TJP1: variants seen among roughly 807,000 people sequenced by gnomAD.
TJP1 encodes the protein tight junction protein 1.
Under a neutral mutation model 194.2 loss-of-function variants are expected in TJP1, and 43 were observed. The observed-to-expected ratio is 0.22, with a 90% confidence interval of 0.17 to 0.29. The LOEUF is 0.29. TJP1 is among the 10% of genes least tolerant of loss of function. TJP1 has a pLI of 1.00. For synonymous variants in TJP1, 801 were observed against 779.0 expected, an observed-to-expected ratio of 1.03 and a Z score of -0.47; for missense variants, 1,971 against 2,185.7, an observed-to-expected ratio of 0.90 and a Z score of 1.96.
rs1023373481 is a variant in TJP1 at position 29,953,569 on chromosome 15, G to A, written c.306+2663C>T. On this transcript the variant is annotated intron_variant, in intron 2 of 28. Coordinates refer to the TJP1 transcript ENST00000356107. ...CATATCTTATGGTAGAAAGTGGGAG[G>A]AGCCAAGCTGTTAAGCTCTTCTTAT... is the stretch of plus-strand genomic sequence containing the variant. 3.3e-5 allele frequency among the ~76,000 whole-genome samples: 5 copies of A among 152,156 alleles called. No homozygotes were observed. In the East Asian group the frequency reaches 7.7e-4, roughly 23 times the overall value.
chr15:29,742,970 T>C (rs575295630), intron 8 of TJP1, 189 bp from the exon 9 acceptor site: 164 of 423,468 alleles, frequency 3.9e-4, no homozygotes, highest in Admixed American at 6.3e-4. Context: ...AATAGATTCA[T>C]GTAATAAAAT....
In TJP1 at chr15:29,960,649, A is replaced by AAG. The variant is rs1256834472; in HGVS notation, c.174-4286_174-4285insCT. ...AGACCATGTCTCAAAAAAAAAAAAA[A>AAG]AAGTAATAATCAGTAGCGCTAAAGT... On this transcript the variant is annotated intron_variant, in intron 1 of 28. Transcript: ENST00000356107. Among the ~76,000 whole-genome samples, 617 of 151,682 alleles carry AAG rather than the reference A, an allele frequency of 4.1e-3. 2 individuals carry two copies. Among genetic ancestry groups the AAG allele is most frequent in the Non-Finnish European group, 4.8e-3 (324 of 67,948 alleles).
intron 2 of TJP1, among the ~76,000 whole-genome samples, chr15:29,893,650 C>A (rs1218314165): frequency 6.6e-6 from 1 of 152,152 alleles, no homozygotes. Context: ...CAGATAATCA[C>A]TAGCATTTTT....
At chr15:29,828,389 C>T (rs1164232236) in intron 2 of TJP1, among the ~76,000 whole-genome samples, 1 of 151,448 alleles carries the variant, frequency 6.6e-6, no homozygotes, top group Non-Finnish European at 1.5e-5. Flanking sequence ...TATAATGTCA[C>T]AACAACAACA....
chr15:29,817,636 A>G (rs1476938308), intron 1 of TJP1, among the ~76,000 whole-genome samples: 3 of 152,222 alleles, frequency 2.0e-5, no homozygotes, highest in Non-Finnish European at 2.9e-5. Context: ...TATATACACC[A>G]TGGTATACTA....
upstream of TJP1, among the ~76,000 whole-genome samples, chr15:29,825,375 A>AT (rs1362619960): frequency 6.6e-6 from 1 of 152,214 alleles, no homozygotes; most frequent in Non-Finnish European, 1.5e-5. Flanking sequence ...ATCTCTTTCG[A>AT]TTGTACAGAT....
chr15:29,811,659 T>C (rs1366712268), intron 1 of TJP1, among the ~76,000 whole-genome samples: 1 of 152,192 alleles, frequency 6.6e-6, no homozygotes, highest in African/African-American at 2.4e-5. Context: ...TCTAATGCCA[T>C]TGTAATAATT....
chr15:29,726,428 T>G lies in TJP1; in HGVS notation c.2363A>C (p.Glu788Ala). 2 of 1,614,130 alleles carry G rather than the reference T, an allele frequency of 1.2e-6. No homozygotes were observed. The highest frequency in any genetic ancestry group is 2.2e-5 in the South Asian group (2 of 91,064). The change falls in exon 18 of 28, where the codon GAA (glutamate) becomes GCA (alanine). Residue 788 changes from glutamate (E) to alanine (A), a missense_variant. Around this residue, in one of 5 missense-constraint regions of TJP1, gnomAD observed 402 missense variants for 484.2 expected, o/e 0.83. Coordinates refer to ENST00000614355, the MANE Select transcript of TJP1 (RefSeq NM_001330239.4). The stretch of plus-strand genomic sequence containing the variant: ...CTGGTTTTGCTGTTGTTGAATTGCT[T>G]CTTTCAGCGCACCATACCAACCATC... Reference protein sequence around the residue: ...MNDGWYGALKEAIQQQQNQLV... With the variant: ...MNDGWYGALKAAIQQQQNQLV...
chr15:29,938,851 C>A (rs910591225), intron 2 of TJP1, among the ~76,000 whole-genome samples: 4 of 152,240 alleles, frequency 2.6e-5, no homozygotes, highest in Non-Finnish European at 5.9e-5. Context: ...GAGACCCAAA[C>A]AGGACTTGGC....
intron 1 of TJP1, among the ~76,000 whole-genome samples, chr15:29,819,659 A>G (rs1423880068): frequency 3.3e-5 from 5 of 152,126 alleles, no homozygotes; most frequent in Non-Finnish European, 7.4e-5. Context: ...TCAATATGTC[A>G]AGTTTTCTAC....
chr15:29,947,691 T>C (rs368888212), intron 2 of TJP1, among the ~76,000 whole-genome samples: 2 of 152,108 alleles, frequency 1.3e-5, no homozygotes, highest in African/African-American at 2.4e-5. Flanking sequence ...GGGGAGGGCA[T>C]CTCCCCTGAA....
At chr15:29,968,216 G>A in intron 1 of TJP1, 2 of 985,374 alleles carry the variant, frequency 2.0e-6, no homozygotes, top group Non-Finnish European at 1.2e-6. Flanking sequence ...CCTCTACTAT[G>A]CACTCAGCAG....
chr15:29,785,474 G>A (rs1258651697), intron 2 of TJP1, among the ~76,000 whole-genome samples: 1 of 151,962 alleles, frequency 6.6e-6, no homozygotes, highest in Non-Finnish European at 1.5e-5. Flanking sequence ...CCACCCACTG[G>A]TTAAAGTATT....
chr15:29,751,664 C>T (rs2045288988), intron 8 of TJP1, among the ~76,000 whole-genome samples: 1 of 152,116 alleles, frequency 6.6e-6, no homozygotes, highest in African/African-American at 2.4e-5. Context: ...ATACTTATGA[C>T]TAACATAGCA....
chr15:29,780,725 G>T (rs966690978), intron 2 of TJP1, among the ~76,000 whole-genome samples: 2 of 152,082 alleles, frequency 1.3e-5, no homozygotes, highest in South Asian at 2.1e-4. Flanking sequence ...AGACATGAAA[G>T]AATTAGAAAA....
At chr15:29,915,356 A>G (rs571294879) in intron 2 of TJP1, among the ~76,000 whole-genome samples, 77 of 152,272 alleles carry the variant, frequency 5.1e-4, no homozygotes, top group African/African-American at 1.7e-3. Context: ...GCCAACTACT[A>G]TAAGAATTAA....
chr15:29,853,526 C>A (rs1402969327), intron 2 of TJP1, among the ~76,000 whole-genome samples: 1 of 152,128 alleles, frequency 6.6e-6, no homozygotes. Flanking sequence ...TTCTCTGTAA[C>A]AATTCTCATA....
intron 2 of TJP1, among the ~76,000 whole-genome samples, chr15:29,866,541 C>G (rs1196168057): frequency 6.6e-6 from 1 of 152,078 alleles, no homozygotes; most frequent in Non-Finnish European, 1.5e-5. Context: ...ATGTGAACTC[C>G]CCACACAGTA....
chr15:29,706,914 G>A (rs144007067), intron 25 of TJP1, among the ~76,000 whole-genome samples: 12 of 152,088 alleles, frequency 7.9e-5, no homozygotes, highest in Non-Finnish European at 1.3e-4. Flanking sequence ...CTCAACCTCC[G>A]AAAGTGCTGG....
Sources: gnomAD v4.1 joint callset for allele counts (sites outside exome capture counted in the v4.1 genomes callset) on GRCh38, gnomAD v4.1.1 for gene constraint, gnomAD v4.1.1 regional missense constraint, MANE v1.5 for transcripts, NCBI Gene and HGNC (gene_info 2026-07-23, HGNC 2026-07-21) for gene names.